SKOR1: variants seen among roughly 807,000 people sequenced by gnomAD.
SKOR1 encodes SKI family transcriptional corepressor 1, also known as LBX1 corepressor 1.
SKOR1 carries 38 observed loss-of-function variants against 72.4 expected under a neutral mutation model. The ratio of observed to expected loss-of-function variants is 0.52; its 90% CI spans 0.40 to 0.69. The LOEUF is 0.69. Among genes scored for constraint, SKOR1 ranks in the 30% least tolerant of loss-of-function variants. The probability of loss-of-function intolerance (pLI) is 0.00; values close to 1 mark genes in which losing one functional copy is unlikely to be tolerated. For missense variants in SKOR1, 1,320 were observed against 1,343.2 expected (o/e 0.98, Z 0.27); for synonymous variants, 642 against 599.4 (o/e 1.07, Z -1.04).
chr15:67,830,119 C>T, intron 3 of SKOR1, 72 bp from the exon 4 acceptor site: 1 of 1,512,042 alleles, frequency 6.6e-7, no homozygotes, highest in Non-Finnish European at 9.2e-7. Flanking sequence ...GGCGCCCCGA[C>T]CGCGGCAGCT....
chr15:67,832,199 G>T lies in SKOR1; in HGVS notation c.2588-75G>T. ...TCTCAACTCTCCTTTCAGGGTTGTT[G>T]GCCAAGGCAGAACCTGAGCTCCAAA... On this transcript the variant is annotated intron_variant, in intron 5 of 8. Coordinates refer to ENST00000380035, the MANE Select transcript of SKOR1 (RefSeq NM_001365915.1). This position sits in a 1 kb window ranked among gnomAD's most constrained non-coding sequence, Gnocchi z 4.5. 1 of 1,411,854 alleles carries T rather than the reference G, an allele frequency of 7.1e-7. No homozygotes were observed. The highest frequency in any genetic ancestry group is 1.4e-5 in the African/African-American group (1 of 71,114). 87.5% of individuals were successfully genotyped at this position (1,411,854 alleles called of 1,614,324 possible). A position where few individuals can be genotyped will look rare whatever the true frequency, so the allele number is the denominator to read the frequency against.
Position 67,832,545 on chromosome 15 carries a change from G to A in SKOR1, c.2663-62G>A. The A allele has an allele frequency of 6.6e-7, 1 of 1,504,022 alleles. No homozygotes were observed. Among genetic ancestry groups the A allele is most frequent in the Non-Finnish European group, 9.2e-7 (1 of 1,084,668 alleles). 93.2% of individuals were successfully genotyped at this position (1,504,022 alleles called of 1,614,324 possible). ...AGGGGTGAAAGGGGGGGCCAGGAGT[G>A]AGAAAGTGGAGCCGGGAGAGGGGGC... is the stretch of plus-strand genomic sequence containing the variant. On this transcript the variant is annotated intron_variant, in intron 6 of 8. Coordinates refer to ENST00000380035, the MANE Select transcript of SKOR1 (RefSeq NM_001365915.1). The surrounding 1 kb of genome is among the most constrained non-coding windows in gnomAD (Gnocchi z 4.5).
Position 67,830,259 on chromosome 15 carries a change from A to G in SKOR1, c.2476A>G (p.Arg826Gly). The change falls in exon 4 of 9, where the codon AGG becomes GGG. Residue 826 changes from arginine to glycine, a missense_variant. Physicochemically the swap from Arg to Gly is moderately radical, Grantham distance 125 (BLOSUM62 -2). Around this residue, in one of 3 missense-constraint regions of SKOR1, gnomAD observed 1,099 missense variants for 1,025.5 expected, o/e 1.07. Coordinates refer to ENST00000380035, the MANE Select transcript of SKOR1 (RefSeq NM_001365915.1). ...AACGAGGAAATCCTATCCAGACCAA[A>G]GGAGTATCTCCCAGCCAAGTCCTGC... ...LETRKSYPDQ[R>G]SISQPSPANT... 1.2e-6 allele frequency: 2 copies of G among 1,614,166 alleles called. No homozygotes were observed. The highest frequency in any genetic ancestry group is 1.7e-6 in the Non-Finnish European group (2 of 1,180,016).
rs894705403 is a variant in SKOR1 at position 67,828,114 on chromosome 15, C to T, written c.2286C>T (p.Cys762=). The T allele has an allele frequency of 4.6e-6, 7 of 1,514,594 alleles. No individual in the cohort carries two copies. The highest frequency in any genetic ancestry group is 4.3e-5 in the African/African-American group (3 of 69,742). 93.8% of individuals were successfully genotyped at this position (1,514,594 alleles called of 1,614,324 possible). Residue 762 remains cysteine (C), a synonymous_variant, in exon 2 of 9, where the codon TGC becomes TGT. Coordinates refer to ENST00000380035, the MANE Select transcript of SKOR1 (RefSeq NM_001365915.1). The stretch of plus-strand genomic sequence containing the variant: ...GCGGCTACGAGCTGCGAGAGCCTTG[C>T]GGGCCCCTAGGAGGCCCCGCGCCGG... ...GGGGYELREP[C]GPLGGPAPAK...
In SKOR1 at chr15:67,834,556, T is replaced by C. The variant is rs894648337; in HGVS notation, c.*720T>C. On this transcript the variant is annotated 3_prime_UTR_variant, in exon 9 of 9. Transcript: ENST00000380035. The surrounding 1 kb of genome is among the most constrained non-coding windows in gnomAD (Gnocchi z 5.8). ...TCGTTTTTAATAATAATAATAATAA[T>C]AATAAAAGATGTCACTTCTGGGGCT... The C allele has an allele frequency of 1.3e-5, 2 of 151,262 alleles. No individual in the cohort carries two copies. The highest frequency in any genetic ancestry group is 2.9e-5 in the Non-Finnish European group (2 of 67,926). The allele number at this position is 151,262 out of a possible 1,614,324, so 9.4% of individuals were successfully genotyped here.
Position 67,826,887 on chromosome 15 carries a change from A to T in SKOR1, c.1059A>T (p.Gly353=), listed in dbSNP as rs1168141292. 6.5e-7 allele frequency: 1 copy of T among 1,548,314 alleles called. No individual in the cohort carries two copies. Among genetic ancestry groups the T allele is most frequent in the Non-Finnish European group, 8.7e-7 (1 of 1,152,680 alleles). ...AGCGCGGACTTGGCCTGGCGACTGG[A>T]GCTAGTGGCCCGGCGGGCCCAGGAG... ...HPQRGLGLAT[G]ASGPAGPGGP... Residue 353 remains glycine (G), a synonymous_variant, in exon 2 of 9, where the codon GGA becomes GGT. Transcript: ENST00000380035.
At chr15:67,828,196 C>T (rs1474176456) in intron 2 of SKOR1, 52 bp downstream of exon 2, 1 of 1,379,764 alleles carries the variant, frequency 7.2e-7, no homozygotes, top group South Asian at 1.7e-5. Flanking sequence ...ACCCTGTGCG[C>T]GGCAGGGCTG....
chr15:67,833,322 A>G lies in SKOR1; in HGVS notation c.2803+65A>G, dbSNP rs556786601. 2.0e-6 allele frequency: 3 copies of G among 1,526,422 alleles called. No individual in the cohort carries two copies. The South Asian group carries it at 3.4e-5, about 17-fold the overall frequency. 94.6% of individuals were successfully genotyped at this position (1,526,422 alleles called of 1,614,324 possible). On this transcript the variant is annotated intron_variant, in intron 8 of 8. Transcript: ENST00000380035. The surrounding 1 kb of genome is among the most constrained non-coding windows in gnomAD (Gnocchi z 6.0). ...TGCCGGCCGTGCTGTCGACTGAATG[A>G]ATGAATAGTGGGACTAGTGAGGAAG...
rs1452563975 is a variant in SKOR1, at chr15:67,826,009, C to G, written c.181C>G (p.Gln61Glu). 6.5e-7 allele frequency: 1 copy of G among 1,546,780 alleles called. No homozygotes were observed. Among genetic ancestry groups the G allele is most frequent in the Non-Finnish European group, 8.7e-7 (1 of 1,144,778 alleles). ...REGSSSPNSK[Q>E]ELQPYSGSSA... ...GGGCAGTTCCTCGCCCAACTCCAAG[C>G]AGGAGCTGCAGCCGTACTCGGGCTC... Residue 61 changes from glutamine to glutamate, a missense_variant, in exon 2 of 9, where the codon CAG becomes GAG. Gln to Glu is a conservative substitution (Grantham distance 29). Coordinates refer to ENST00000380035, the MANE Select transcript of SKOR1 (RefSeq NM_001365915.1).
Position 67,832,732 on chromosome 15 carries a change from C to T in SKOR1, c.2737+51C>T. The T allele has an allele frequency of 6.9e-7, 1 of 1,446,502 alleles. No homozygotes were observed. The highest frequency in any genetic ancestry group is 1.2e-5 in the South Asian group (1 of 86,630). The allele number at this position is 1,446,502 out of a possible 1,614,324, so 89.6% of individuals were successfully genotyped here. A position where few individuals can be genotyped will look rare whatever the true frequency, so the allele number is the denominator to read the frequency against. Reference sequence around the variant, plus strand: ...TGCACGGGCCGTAACTGCCTCTCGTCTGGCAGGAGCCGCAATGTTGGCTCA... The same window carrying T: ...TGCACGGGCCGTAACTGCCTCTCGTTTGGCAGGAGCCGCAATGTTGGCTCA... On this transcript the variant is annotated intron_variant, in intron 7 of 8. Coordinates refer to ENST00000380035, the MANE Select transcript of SKOR1 (RefSeq NM_001365915.1). The surrounding 1 kb of genome is among the most constrained non-coding windows in gnomAD (Gnocchi z 4.5).
At chr15:67,828,273 T>A (rs1649772290) in intron 2 of SKOR1, 129 bp downstream of exon 2, 1 of 1,335,160 alleles carries the variant, frequency 7.5e-7, no homozygotes, top group Admixed American at 4.0e-5. Context: ...TCGGCCACTC[T>A]CCGCAGGCCC....
Position 67,834,217 on chromosome 15 carries a change from G to C in SKOR1, c.*381G>C, listed in dbSNP as rs1429539725. 1 of 314,026 alleles carries C rather than the reference G, an allele frequency of 3.2e-6. No individual in the cohort carries two copies. Among genetic ancestry groups the C allele is most frequent in the Non-Finnish European group, 6.2e-6 (1 of 160,640 alleles). 19.5% of individuals were successfully genotyped at this position (314,026 alleles called of 1,614,324 possible). On this transcript the variant is annotated 3_prime_UTR_variant, in exon 9 of 9. Coordinates refer to ENST00000380035, the MANE Select transcript of SKOR1 (RefSeq NM_001365915.1). This position sits in a 1 kb window ranked among gnomAD's most constrained non-coding sequence, Gnocchi z 5.8. ...TAGCAACTTCGCTGGCGCCTGCCCC[G>C]CACTCCCCGTCCCGTCCACTTCTGA...
In SKOR1 at chr15:67,827,885, G is replaced by A. The variant is rs1258522972; in HGVS notation, c.2057G>A (p.Gly686Glu). 2.5e-6 allele frequency: 4 copies of A among 1,600,460 alleles called. No homozygotes were observed. Among genetic ancestry groups the A allele is most frequent in the African/African-American group, 2.7e-5 (2 of 74,790 alleles). ...EETEPSAPSA[G>E]GGPDGEQPTG... ...ACCGAGCCCAGCGCACCCAGCGCAG[G>A]GGGCGGCCCAGACGGTGAACAGCCC... The change falls in exon 2 of 9, where the codon GGG becomes GAG. Residue 686 changes from glycine (G) to glutamate (E), a missense_variant. Physicochemically the swap from Gly to Glu is moderately conservative, Grantham distance 98. This residue lies in a region of SKOR1 where 1,099 missense variants were observed against 1,025.5 expected (regional missense o/e 1.07). Coordinates refer to ENST00000380035, the MANE Select transcript of SKOR1 (RefSeq NM_001365915.1).
rs756133559 is a variant in SKOR1, at chr15:67,830,316, C to T, written c.2515+18C>T. On this transcript the variant is annotated intron_variant, in intron 4 of 8. Transcript: ENST00000380035. Reference sequence around the variant, plus strand: ...AGACAGAGGTGAGCCAGCCCTTGAACCCATCGCTCTCCACCGCACCCAGGA... The same window carrying T: ...AGACAGAGGTGAGCCAGCCCTTGAATCCATCGCTCTCCACCGCACCCAGGA... 8.1e-6 allele frequency: 13 copies of T among 1,610,600 alleles called. No individual in the cohort carries two copies. The highest frequency in any genetic ancestry group is 4.5e-5 in the East Asian group (2 of 44,868).
At position 67,827,964 on chromosome 15, in the gene SKOR1, C is replaced by T. The variant is rs1305136091; in HGVS notation, c.2136C>T (p.Pro712=). 2 of 1,551,236 alleles carry T rather than the reference C, an allele frequency of 1.3e-6. No individual in the cohort carries two copies. Among genetic ancestry groups the T allele is most frequent in the Non-Finnish European group, 1.7e-6 (2 of 1,150,768 alleles). The part of the protein sequence containing the change: ...SSGADGPANS[P]DGGSPRPRRR... Reference sequence around the variant, plus strand: ...GCGCGGACGGTCCCGCAAACTCTCCCGACGGCGGCAGCCCCCGCCCCCGGC... The same window carrying T: ...GCGCGGACGGTCCCGCAAACTCTCCTGACGGCGGCAGCCCCCGCCCCCGGC... The change falls in exon 2 of 9, where the codon CCC becomes CCT. Residue 712 remains proline (P), a synonymous_variant. Transcript: ENST00000380035.
intron 2 of SKOR1, 101 bp from the exon 3 acceptor site, chr15:67,829,078 C>A: frequency 9.2e-7 from 1 of 1,091,766 alleles, no homozygotes; most frequent in Non-Finnish European, 1.3e-6. Context: ...CAACCTTTGC[C>A]ACTCCGTCGG....
rs767745619 is a variant in SKOR1, at chr15:67,830,785, A to G, written c.2516-33A>G. ...CTCCCCTCTCAAGGGCTTTCCTAGG[A>G]CAGAACCCCTCTTACCTGCCCCTGT... On this transcript the variant is annotated intron_variant, in intron 4 of 8. Transcript: ENST00000380035. 6 of 1,612,022 alleles carry G rather than the reference A, an allele frequency of 3.7e-6. No individual in the cohort carries two copies. In the East Asian group the frequency reaches 1.3e-4, roughly 36 times the overall value.
intron 5 of SKOR1, among the ~76,000 whole-genome samples, chr15:67,831,620 A>G (rs1230234493): frequency 6.6e-6 from 1 of 152,092 alleles, no homozygotes; most frequent in Non-Finnish European, 1.5e-5. Context: ...AGGCCTCTAC[A>G]CCTAGCTCCC....
In SKOR1 at chr15:67,827,995, C is replaced by A. The variant is rs567723005; in HGVS notation, c.2167C>A (p.Leu723Ile). 1 of 1,539,464 alleles carries A rather than the reference C, an allele frequency of 6.5e-7. No individual in the cohort carries two copies. The highest frequency in any genetic ancestry group is 1.2e-5 in the South Asian group (1 of 83,546). ...CGGCAGCCCCCGCCCCCGGCGCCGC[C>A]TCGGGCCACCCCCAGCTGGCCGGCC... ...DGGSPRPRRR[L>I]GPPPAGRPAF... Residue 723 changes from leucine (L) to isoleucine (I), a missense_variant, in exon 2 of 9, where the codon CTC (leucine) becomes ATC (isoleucine). By Grantham distance (5) the Leu-to-Ile change is conservative. Transcript: ENST00000380035.
Sources: allele counts gnomAD v4.1 joint callset (sites outside exome capture counted in the v4.1 genomes callset), GRCh38; gene constraint gnomAD v4.1.1; regional missense constraint gnomAD v4.1.1; non-coding constraint Gnocchi (gnomAD v3.1); transcripts MANE v1.5; gene names NCBI Gene and HGNC (gene_info 2026-07-23, HGNC 2026-07-21).